The following LYRM7 variants were observed in gnomAD, a reference collection of about 807,000 sequenced individuals.
LYRM7 encodes LYR motif containing 7, also known as complex III assembly factor LYRM7.
A neutral mutation model predicts 15.8 loss-of-function variants in LYRM7; 9 were observed. The ratio of observed to expected loss-of-function variants is 0.57; its 90% CI spans 0.34 to 0.99. The LOEUF (loss-of-function observed/expected upper bound fraction) is 0.99. Among genes scored for constraint, LYRM7 ranks in the 50% least tolerant of loss-of-function variants. The probability of loss-of-function intolerance (pLI) is 0.02; values close to 1 mark genes in which losing one functional copy is unlikely to be tolerated. For missense variants in LYRM7, 115 were observed against 119.1 expected (o/e 0.97, Z 0.16); for synonymous variants, 39 against 39.4 (o/e 0.99, Z 0.04).
In LYRM7 at chr5:131,200,912, T is replaced by G. The variant is rs1240485611; in HGVS notation, c.*1311T>G. The G allele has an allele frequency of 6.6e-6, 1 of 152,156 alleles. No individual in the cohort carries two copies. The highest frequency in any genetic ancestry group is 1.5e-5 in the Non-Finnish European group (1 of 68,034). The allele number at this position is 152,156 out of a possible 1,614,324, so 9.4% of individuals were successfully genotyped here. A position where few individuals can be genotyped will look rare whatever the true frequency, so the allele number is the denominator to read the frequency against. The stretch of plus-strand genomic sequence containing the variant: ...CCTGAATTCCCTGTTCCATTTTTCA[T>G]TCATATTAATTTAAATAACTCCAGA... On this transcript the variant is annotated 3_prime_UTR_variant, in exon 5 of 5. Transcript: ENST00000379380.
At chr5:131,195,965 T>C (rs901201406) in intron 4 of LYRM7, among the ~76,000 whole-genome samples, 1 of 152,118 alleles carries the variant, frequency 6.6e-6, no homozygotes, top group Non-Finnish European at 1.5e-5. Context: ...CCAAACATCC[T>C]TGATTTCAGT....
In LYRM7 at chr5:131,182,704, A is replaced by G. The variant is rs143904003; in HGVS notation, c.162+405A>G. Among the ~76,000 whole-genome samples, 551 of 152,324 alleles carry G rather than the reference A, an allele frequency of 3.6e-3. 4 individuals carry two copies. Among genetic ancestry groups the G allele is most frequent in the African/African-American group, 0.013 (535 of 41,592 alleles). ...TATTTTTAATCCCATCTTGGCAATGACAAACAGCCGCAGTATGAACTATTC... is the reference window on the plus strand; with the variant it reads ...TATTTTTAATCCCATCTTGGCAATGGCAAACAGCCGCAGTATGAACTATTC... On this transcript the variant is annotated intron_variant, in intron 3 of 4. Transcript: ENST00000379380.
In LYRM7 at chr5:131,199,965, A is replaced by G. The variant is rs1756032573; in HGVS notation, c.*364A>G. On this transcript the variant is annotated 3_prime_UTR_variant, in exon 5 of 5. Coordinates refer to ENST00000379380, the MANE Select transcript of LYRM7 (RefSeq NM_181705.4). The stretch of plus-strand genomic sequence containing the variant: ...AATTGGTGAGTTTTCCTGCCATGTG[A>G]AATGCAATTATTACATTTAAATTGT... The G allele has an allele frequency of 6.4e-6, 1 of 156,488 alleles. No individual in the cohort carries two copies. Among genetic ancestry groups the G allele is most frequent in the Admixed American group, 6.5e-5 (1 of 15,386 alleles). The allele number at this position is 156,488 out of a possible 1,614,324, so 9.7% of individuals were successfully genotyped here.
chr5:131,198,117 C>T (rs1755998985), intron 4 of LYRM7, among the ~76,000 whole-genome samples: 1 of 151,586 alleles, frequency 6.6e-6, no homozygotes, highest in African/African-American at 2.4e-5. Context: ...TTATGACAGC[C>T]CATTTGGGTC....
chr5:131,175,469 G>T (rs1755587266), intron 1 of LYRM7, among the ~76,000 whole-genome samples: 1 of 152,064 alleles, frequency 6.6e-6, no homozygotes, highest in Admixed American at 6.5e-5. Flanking sequence ...AAAGTGCTAG[G>T]ATTACAGGCA....
intron 3 of LYRM7, among the ~76,000 whole-genome samples, chr5:131,185,946 C>G (rs1351552605): frequency 2.0e-5 from 3 of 152,232 alleles, no homozygotes; most frequent in Non-Finnish European, 4.4e-5. Flanking sequence ...AAGTGACACA[C>G]TCTACTTTTC....
chr5:131,185,408 G>C (rs1417170689), intron 3 of LYRM7, among the ~76,000 whole-genome samples: 3 of 152,034 alleles, frequency 2.0e-5, no homozygotes, highest in African/African-American at 7.2e-5. Flanking sequence ...GCCTCTTCTT[G>C]GGATATTCTC....
At chr5:131,193,379 G>A (rs1403246016) in intron 4 of LYRM7, among the ~76,000 whole-genome samples, 3 of 152,236 alleles carry the variant, frequency 2.0e-5, no homozygotes, top group African/African-American at 7.2e-5. Context: ...TGGAATGCCA[G>A]GATAGGAGGC....
intron 4 of LYRM7, among the ~76,000 whole-genome samples, chr5:131,196,097 C>T (rs1354779907): frequency 6.7e-6 from 1 of 150,114 alleles, no homozygotes; most frequent in Non-Finnish European, 1.5e-5. Context: ...ATCTATTCTC[C>T]TGTTCTTTTT....
intron 3 of LYRM7, among the ~76,000 whole-genome samples, chr5:131,186,122 G>T (rs192440045): frequency 6.6e-6 from 1 of 152,294 alleles, no homozygotes; most frequent in Non-Finnish European, 1.5e-5. Flanking sequence ...TGACCTCACA[G>T]ATCCCTGAAA....
rs150612741 is a variant in LYRM7 at position 131,172,696 on chromosome 5, G to A, written c.18+1658G>A. Among the ~76,000 whole-genome samples, 585 of 152,016 alleles carry A rather than the reference G, an allele frequency of 3.8e-3. 4 individuals carry two copies. Among genetic ancestry groups the A allele is most frequent in the African/African-American group, 0.013 (534 of 41,496 alleles). Reference sequence around the variant, plus strand: ...AACAAGGGTGACAACAAGATCCTACGTCCAAAAAAAAATAGGAAAGTGAAA... The same window carrying A: ...AACAAGGGTGACAACAAGATCCTACATCCAAAAAAAAATAGGAAAGTGAAA... On this transcript the variant is annotated intron_variant, in intron 1 of 4. Coordinates refer to ENST00000379380, the MANE Select transcript of LYRM7 (RefSeq NM_181705.4).
intron 1 of LYRM7, among the ~76,000 whole-genome samples, chr5:131,173,166 C>T (rs542129091): frequency 1.1e-4 from 17 of 152,230 alleles, no homozygotes; most frequent in Admixed American, 9.2e-4. Flanking sequence ...TGGGATTCTA[C>T]GATGCTTGCA....
chr5:131,181,047 TTGGGAGGCAGAGGCAGGCAAA>T (rs1358661711), intron 2 of LYRM7, among the ~76,000 whole-genome samples: 1 of 151,060 alleles, frequency 6.6e-6, no homozygotes, highest in Non-Finnish European at 1.5e-5. Context: ...TCCCAGCACT[TTGGGAGGCAGAGGCAGGCAAA>T]TTACTTGAGG....
intron 4 of LYRM7, among the ~76,000 whole-genome samples, chr5:131,196,811 C>T (rs1322630789): frequency 6.6e-6 from 1 of 152,022 alleles, no homozygotes; most frequent in Non-Finnish European, 1.5e-5. Context: ...GTGCCTGCCA[C>T]CACGCCCAGC....
intron 4 of LYRM7, among the ~76,000 whole-genome samples, chr5:131,187,699 T>C (rs1755819872): frequency 6.6e-6 from 1 of 152,040 alleles, no homozygotes; most frequent in Non-Finnish European, 1.5e-5. Flanking sequence ...TTGGCCAGGC[T>C]GGTCTCAAAC....
chr5:131,193,316 G>A (rs1755913817), intron 4 of LYRM7, among the ~76,000 whole-genome samples: 1 of 152,212 alleles, frequency 6.6e-6, no homozygotes, highest in East Asian at 1.9e-4. Context: ...CTATCCAGTG[G>A]AACTTAGAGT....
intron 4 of LYRM7, among the ~76,000 whole-genome samples, chr5:131,192,995 G>A (rs1755909170): frequency 6.6e-6 from 1 of 151,934 alleles, no homozygotes; most frequent in Non-Finnish European, 1.5e-5. Context: ...CCAGGACTTC[G>A]GGTCATTATT....
At chr5:131,171,148 G>A (rs1755514402) in intron 1 of LYRM7, 110 bp downstream of exon 1, 2 of 1,154,592 alleles carry the variant, frequency 1.7e-6, no homozygotes, top group Middle Eastern at 2.5e-4. Flanking sequence ...ACCCTTTATG[G>A]AGGATGTGGC....
chr5:131,188,014 T>G (rs887714671), intron 4 of LYRM7, among the ~76,000 whole-genome samples: 1 of 151,908 alleles, frequency 6.6e-6, no homozygotes, highest in Non-Finnish European at 1.5e-5. Flanking sequence ...CCCAGCACTT[T>G]GGGAGGCCAA....
Sources: allele counts gnomAD v4.1 joint callset (sites outside exome capture counted in the v4.1 genomes callset), GRCh38; gene constraint gnomAD v4.1.1; transcripts MANE v1.5; gene names NCBI Gene and HGNC (gene_info 2026-07-23, HGNC 2026-07-21).